The following TMEM131 variants were observed in gnomAD, a reference collection of about 807,000 sequenced individuals.
TMEM131 encodes the protein 2610524E03Rik.
In TMEM131, 66 loss-of-function variants were observed where a neutral mutation model predicts 211.6. The observed-to-expected ratio is 0.31, with a 90% CI of 0.26 to 0.38. The LOEUF (loss-of-function observed/expected upper bound fraction) is 0.38. Ranked by LOEUF, TMEM131 falls within the 10% of genes least tolerant of loss-of-function variation. TMEM131 has a pLI of 1.00. For synonymous variants in TMEM131, 844 were observed against 841.3 expected (o/e 1.00, Z -0.06); for missense variants, 2,036 against 2,299.3 (o/e 0.89, Z 2.34).
intron 4 of TMEM131, among the ~76,000 whole-genome samples, chr2:97,869,766 A>C (rs1481814001): frequency 1.3e-5 from 2 of 152,312 alleles, no homozygotes; most frequent in East Asian, 3.9e-4. Flanking sequence ...TGGAAAGTAC[A>C]TGACCATTTG....
chr2:97,884,588 T>C (rs981223993), intron 4 of TMEM131, among the ~76,000 whole-genome samples: 1 of 152,236 alleles, frequency 6.6e-6, no homozygotes, highest in Non-Finnish European at 1.5e-5. Context: ...TTGCTTTTTA[T>C]ATCTGGGTGC....
intron 1 of TMEM131, among the ~76,000 whole-genome samples, chr2:97,934,045 A>T (rs1460830615): frequency 6.6e-6 from 1 of 152,142 alleles, no homozygotes; most frequent in South Asian, 2.1e-4. Flanking sequence ...AAGGAAAAAA[A>T]AAAGACGAAC....
At chr2:97,827,335 G>A (rs184239625) in intron 11 of TMEM131, 8 of 806,922 alleles carry the variant, frequency 9.9e-6, no homozygotes, top group East Asian at 9.7e-5. Context: ...TAAACCTCCT[G>A]CAAAAGTGGA....
At chr2:97,903,861 C>T (rs1198894844) in intron 3 of TMEM131, among the ~76,000 whole-genome samples, 1 of 151,946 alleles carries the variant, frequency 6.6e-6, no homozygotes, top group Non-Finnish European at 1.5e-5. Context: ...TGGGGTTTCA[C>T]CGTGTTGCCC....
At chr2:97,855,832 T>TA (rs1673819462) in intron 5 of TMEM131, among the ~76,000 whole-genome samples, 1 of 152,226 alleles carries the variant, frequency 6.6e-6, no homozygotes, top group Admixed American at 6.5e-5. Flanking sequence ...TAAAATTCCA[T>TA]ACTATTGCTA....
chr2:97,968,839 T>G, intron 1 of TMEM131, among the ~76,000 whole-genome samples: 1 of 152,120 alleles, frequency 6.6e-6, no homozygotes, highest in Non-Finnish European at 1.5e-5. Flanking sequence ...TCCCAGCACC[T>G]TGGGAGGCCA....
At chr2:97,984,345 A>AT (rs545524916) in intron 1 of TMEM131, among the ~76,000 whole-genome samples, 15 of 149,972 alleles carry the variant, frequency 1.0e-4, no homozygotes, top group African/African-American at 2.0e-4. Context: ...TTTTCTTGGT[A>AT]TTTTTTTTTT....
At chr2:97,766,966 T>C (rs991221032) in intron 33 of TMEM131, among the ~76,000 whole-genome samples, 1 of 152,228 alleles carries the variant, frequency 6.6e-6, no homozygotes, top group Non-Finnish European at 1.5e-5. Flanking sequence ...TCATTCTGCC[T>C]GTGAGTCTCT....
chr2:97,942,267 C>T (rs555904039), intron 1 of TMEM131, among the ~76,000 whole-genome samples: 2 of 135,466 alleles, frequency 1.5e-5, no homozygotes, highest in Admixed American at 9.0e-5. Flanking sequence ...TAGGTGGGAA[C>T]TGAACAATGA....
chr2:97,959,213 G>T (rs1020696436), intron 1 of TMEM131, among the ~76,000 whole-genome samples: 6 of 152,142 alleles, frequency 3.9e-5, no homozygotes, highest in Non-Finnish European at 8.8e-5. Flanking sequence ...AAAGAAACGT[G>T]GGGGGAGACA....
Position 97,814,121 on chromosome 2 carries a change from T to C in TMEM131, c.1467A>G (p.Pro489=), listed in dbSNP as rs752653224. ...CTGATTCATTAGGAAGAATTAAGAC[T>C]GGTTTGCTGAAGTTGTGAACCTGAG... ...TMFKVHNFSK[P]VLILPNESGY... is the part of the protein sequence containing the mutation. The change falls in exon 15 of 41, where the codon CCA becomes CCG. Residue 489 remains proline, a synonymous_variant. Coordinates refer to ENST00000186436, the MANE Select transcript of TMEM131 (RefSeq NM_015348.2). 5 of 1,611,172 alleles carry C rather than the reference T, an allele frequency of 3.1e-6. No homozygotes were observed. Among genetic ancestry groups the C allele is most frequent in the East Asian group, 2.2e-5 (1 of 44,862 alleles).
intron 1 of TMEM131, among the ~76,000 whole-genome samples, chr2:97,986,447 C>T (rs1680031325): frequency 6.6e-6 from 1 of 152,134 alleles, no homozygotes; most frequent in Non-Finnish European, 1.5e-5. Flanking sequence ...TATTAATCTG[C>T]ATTTTATAAT....
chr2:97,985,825 T>C (rs1292555760), intron 1 of TMEM131, among the ~76,000 whole-genome samples: 1 of 152,062 alleles, frequency 6.6e-6, no homozygotes, highest in East Asian at 1.9e-4. Context: ...ACAGATTCTC[T>C]ACCTGATGCC....
chr2:97,847,425 C>T (rs911610461), intron 5 of TMEM131, among the ~76,000 whole-genome samples: 58 of 152,210 alleles, frequency 3.8e-4, no homozygotes, highest in East Asian at 1.2e-3. Flanking sequence ...TTTTTAAAAA[C>T]GTACTATTTA....
At chr2:97,899,399 T>A (rs1675754686) in intron 3 of TMEM131, among the ~76,000 whole-genome samples, 1 of 151,860 alleles carries the variant, frequency 6.6e-6, no homozygotes, top group African/African-American at 2.4e-5. Context: ...TCAGAAAAAA[T>A]TAAAAGCACT....
At chr2:97,869,895 G>C (rs992628369) in intron 4 of TMEM131, among the ~76,000 whole-genome samples, 1 of 152,138 alleles carries the variant, frequency 6.6e-6, no homozygotes, top group African/African-American at 2.4e-5. Flanking sequence ...TTATCTGCTC[G>C]AGGTCTCACA....
chr2:97,866,745 GATT>G (rs1186493590), intron 4 of TMEM131, among the ~76,000 whole-genome samples: 1 of 152,080 alleles, frequency 6.6e-6, no homozygotes, highest in Non-Finnish European at 1.5e-5. Flanking sequence ...TCGATTCACT[GATT>G]ATTAAGGAGT....
At chr2:97,879,739 A>C (rs144562188) in intron 4 of TMEM131, among the ~76,000 whole-genome samples, 2 of 151,278 alleles carry the variant, frequency 1.3e-5, no homozygotes, top group East Asian at 1.9e-4. Flanking sequence ...TCTTCTTAAC[A>C]TTTTTTTTTA....
intron 4 of TMEM131, among the ~76,000 whole-genome samples, chr2:97,862,025 A>G (rs1461495376): frequency 6.6e-6 from 1 of 152,178 alleles, no homozygotes; most frequent in Non-Finnish European, 1.5e-5. Flanking sequence ...GTGGCTCAGC[A>G]CAGAGAGAGA....
Sources: allele counts gnomAD v4.1 joint callset (sites outside exome capture counted in the v4.1 genomes callset), GRCh38; gene constraint gnomAD v4.1.1; transcripts MANE v1.5; gene names NCBI Gene and HGNC (gene_info 2026-07-23, HGNC 2026-07-21).